Variants in SPOCK1 observed in about 807,000 individuals in gnomAD.
SPOCK1 encodes SPARC (osteonectin), cwcv and kazal like domains proteoglycan 1.
A neutral mutation model predicts 55.3 loss-of-function variants in SPOCK1; 23 were observed. The observed-to-expected ratio is 0.42, with a 90% CI of 0.30 to 0.59. SPOCK1 has a LOEUF of 0.59. Ranked by LOEUF, SPOCK1 falls within the 20% of genes least tolerant of loss-of-function variation. The pLI is 0.22. For missense variants in SPOCK1, 499 were observed against 552.5 expected (o/e 0.90, Z 0.97); for synonymous variants, 226 against 221.0 (o/e 1.02, Z -0.20).
chr5:137,191,493 G>A (rs745463610), intron 3 of SPOCK1, among the ~76,000 whole-genome samples: 1 of 152,182 alleles, frequency 6.6e-6, no homozygotes. Flanking sequence ...CTTGGACTTT[G>A]AACATAAAAA....
At chr5:137,032,064 A>G (rs1751792150) in intron 6 of SPOCK1, among the ~76,000 whole-genome samples, 1 of 148,580 alleles carries the variant, frequency 6.7e-6, no homozygotes, top group South Asian at 2.1e-4. Flanking sequence ...AAATAAATAT[A>G]TAATATATAC....
intron 2 of SPOCK1, among the ~76,000 whole-genome samples, chr5:137,323,235 G>A (rs1444335608): frequency 6.6e-6 from 1 of 152,068 alleles, no homozygotes; most frequent in Non-Finnish European, 1.5e-5. Context: ...AAAGACATAG[G>A]GTAGTTTAAT....
chr5:137,199,596 T>C (rs1755375411), intron 3 of SPOCK1, among the ~76,000 whole-genome samples: 1 of 152,172 alleles, frequency 6.6e-6, no homozygotes, highest in African/African-American at 2.4e-5. Flanking sequence ...ATTTTGCTTC[T>C]AGGACACCAC....
At chr5:137,132,570 C>A (rs1192297484) in intron 4 of SPOCK1, among the ~76,000 whole-genome samples, 2 of 152,202 alleles carry the variant, frequency 1.3e-5, no homozygotes, top group Non-Finnish European at 2.9e-5. Flanking sequence ...GAAATGGAAG[C>A]AGGAAATCGG....
At chr5:137,147,015 C>T (rs925491745) in intron 3 of SPOCK1, among the ~76,000 whole-genome samples, 2 of 152,146 alleles carry the variant, frequency 1.3e-5, no homozygotes, top group African/African-American at 4.8e-5. Context: ...TTTCTTTCCC[C>T]TTTAAACTGA....
In SPOCK1 at chr5:137,067,381, A is replaced by G. The variant is rs184855074; in HGVS notation, c.589+334T>C. On this transcript the variant is annotated intron_variant, in intron 6 of 10. Coordinates refer to ENST00000394945, the MANE Select transcript of SPOCK1 (RefSeq NM_004598.4). ...CCTTGAGAAGTTCAAAGGATTCAAA[A>G]GATTAGAGTTCAAGAAAGACTAAGA... Among the ~76,000 whole-genome samples the G allele has an allele frequency of 8.9e-4, 135 of 152,282 alleles. 1 individual carries two copies. Among genetic ancestry groups the G allele is most frequent in the African/African-American group, 3.0e-3 (125 of 41,560 alleles).
chr5:137,168,482 T>G (rs1754690947), intron 3 of SPOCK1, among the ~76,000 whole-genome samples: 1 of 151,880 alleles, frequency 6.6e-6, no homozygotes, highest in Non-Finnish European at 1.5e-5. Flanking sequence ...CCAAAATATA[T>G]AAGGAGGTCA....
At chr5:137,165,377 A>G (rs1290314058) in intron 3 of SPOCK1, among the ~76,000 whole-genome samples, 2 of 152,196 alleles carry the variant, frequency 1.3e-5, no homozygotes, top group Admixed American at 1.3e-4. Flanking sequence ...GTGTCCCCCT[A>G]AAGGATATAC....
rs948536921 is a variant in SPOCK1, at chr5:137,486,791, A to G, written c.186+11582T>C. On this transcript the variant is annotated intron_variant, in intron 2 of 10. Coordinates refer to ENST00000394945, the MANE Select transcript of SPOCK1 (RefSeq NM_004598.4). ...TTTCTCTAACAACAGTAAACACAGT[A>G]TTATTTTATCTTTACTGTGGATAGA... 9.8e-5 allele frequency among the ~76,000 whole-genome samples: 15 copies of G among 152,348 alleles called. No individual in the cohort carries two copies. In the East Asian group the frequency reaches 2.5e-3, roughly 25 times the overall value.
At chr5:137,086,887 A>C (rs1741638030) in intron 5 of SPOCK1, among the ~76,000 whole-genome samples, 1 of 152,188 alleles carries the variant, frequency 6.6e-6, no homozygotes. Flanking sequence ...CAAGTTTTTA[A>C]GGGACCTAGG....
At chr5:137,486,291 C>G (rs919905795) in intron 2 of SPOCK1, among the ~76,000 whole-genome samples, 7 of 152,152 alleles carry the variant, frequency 4.6e-5, no homozygotes, top group Non-Finnish European at 1.0e-4. Flanking sequence ...AGTGACCTGA[C>G]CACCAGAAAG....
chr5:137,263,111 T>A (rs182172615), intron 3 of SPOCK1, among the ~76,000 whole-genome samples: 1 of 152,322 alleles, frequency 6.6e-6, no homozygotes, highest in Non-Finnish European at 1.5e-5. Flanking sequence ...CAGACTGCAC[T>A]TACCAAAGTG....
At chr5:137,274,935 T>C (rs1166454835) in intron 2 of SPOCK1, among the ~76,000 whole-genome samples, 2 of 152,228 alleles carry the variant, frequency 1.3e-5, no homozygotes, top group Admixed American at 1.3e-4. Flanking sequence ...ATTTGTGCAT[T>C]GAGTGTGGCA....
rs192205087 is a variant in SPOCK1, at chr5:137,454,803, T to C, written c.186+43570A>G. On this transcript the variant is annotated intron_variant, in intron 2 of 10. Transcript: ENST00000394945. Reference sequence around the variant, plus strand: ...TCACAGCAATAAATGACAGCTCTTATACAATCCAAGACCAAGAATGCTGTC... The same window carrying C: ...TCACAGCAATAAATGACAGCTCTTACACAATCCAAGACCAAGAATGCTGTC... 2.7e-3 allele frequency among the ~76,000 whole-genome samples: 414 copies of C among 152,340 alleles called. 1 individual carries two copies. Among genetic ancestry groups the C allele is most frequent in the Non-Finnish European group, 4.5e-3 (308 of 68,022 alleles).
chr5:137,157,851 G>A (rs1294633869), intron 3 of SPOCK1, among the ~76,000 whole-genome samples: 1 of 152,224 alleles, frequency 6.6e-6, no homozygotes, highest in Non-Finnish European at 1.5e-5. Flanking sequence ...CCTGAGGTCA[G>A]GAGATCAAGA....
intron 3 of SPOCK1, among the ~76,000 whole-genome samples, chr5:137,222,761 T>C (rs183950570): frequency 8.4e-4 from 128 of 152,352 alleles, no homozygotes; most frequent in African/African-American, 3.0e-3. Context: ...GTGCTCCATG[T>C]ACTCCTTTTG....
chr5:136,994,371 AC>A (rs1751003264), intron 6 of SPOCK1, among the ~76,000 whole-genome samples: 1 of 152,104 alleles, frequency 6.6e-6, no homozygotes, highest in Non-Finnish European at 1.5e-5. Flanking sequence ...CAGCTTTGCC[AC>A]TCACTGGCTG....
chr5:137,484,643 C>T (rs563391823), intron 2 of SPOCK1, among the ~76,000 whole-genome samples: 69 of 152,312 alleles, frequency 4.5e-4, no homozygotes, highest in Admixed American at 7.8e-4. Flanking sequence ...CATCAATGCC[C>T]TTTAAAATAC....
chr5:136,993,839 G>T (rs1344030735), intron 6 of SPOCK1, among the ~76,000 whole-genome samples: 2 of 152,202 alleles, frequency 1.3e-5, no homozygotes. Context: ...AAAACTCCAA[G>T]CTAGCCTTCA....
Sources: gnomAD v4.1 joint callset for allele counts (sites outside exome capture counted in the v4.1 genomes callset) on GRCh38, gnomAD v4.1.1 for gene constraint, MANE v1.5 for transcripts, NCBI Gene and HGNC (gene_info 2026-07-23, HGNC 2026-07-21) for gene names.